RCAN2: variants seen among roughly 807,000 people sequenced by gnomAD.
RCAN2 encodes the protein regulator of calcineurin 2.
A neutral mutation model predicts 23.6 loss-of-function variants in RCAN2; 9 were observed. The ratio of observed to expected loss-of-function variants is 0.38; its 90% confidence interval spans 0.23 to 0.67. The LOEUF (loss-of-function observed/expected upper bound fraction) is 0.67. Among genes scored for constraint, RCAN2 ranks in the 30% least tolerant of loss-of-function variants. The pLI is 0.51. For missense variants in RCAN2, 273 were observed against 302.3 expected, an observed-to-expected ratio of 0.90 and a Z score of 0.72; for synonymous variants, 109 against 115.7, an observed-to-expected ratio of 0.94 and a Z score of 0.37.
At chr6:46,265,375 C>G (rs1031226419) in intron 2 of RCAN2, among the ~76,000 whole-genome samples, 7 of 152,046 alleles carry the variant, frequency 4.6e-5, no homozygotes, top group Admixed American at 6.6e-5. Context: ...GTCAGCTAAG[C>G]AAGAAAATTT....
chr6:46,454,551 A>G (rs1767967471), intron 2 of RCAN2, among the ~76,000 whole-genome samples: 1 of 152,204 alleles, frequency 6.6e-6, no homozygotes, highest in Non-Finnish European at 1.5e-5. Context: ...AGAAAAAAAA[A>G]TCTTGCTGAG....
At chr6:46,448,543 C>T (rs1232679053) in intron 2 of RCAN2, among the ~76,000 whole-genome samples, 1 of 151,750 alleles carries the variant, frequency 6.6e-6, no homozygotes, top group African/African-American at 2.4e-5. Context: ...AATTATAGAC[C>T]AATATCCCTA....
intron 2 of RCAN2, among the ~76,000 whole-genome samples, chr6:46,364,931 T>G (rs952943039): frequency 1.3e-5 from 2 of 152,190 alleles, no homozygotes; most frequent in Non-Finnish European, 2.9e-5. Flanking sequence ...GCCTGTTCCC[T>G]CTACCTGGAA....
chr6:46,304,563 G>A (rs2396636), intron 2 of RCAN2, among the ~76,000 whole-genome samples: 107,015 of 152,012 alleles, frequency 0.7, 39,587 homozygotes, highest in Non-Finnish European at 0.83. Flanking sequence ...CTGTTTATTT[G>A]ACAGTGTGTA....
chr6:46,461,376 T>C (rs954527500), intron 1 of RCAN2, among the ~76,000 whole-genome samples: 2 of 152,158 alleles, frequency 1.3e-5, no homozygotes, highest in Admixed American at 6.5e-5. Context: ...TTGGAAAGCA[T>C]AAGTTTCCAT....
intron 2 of RCAN2, among the ~76,000 whole-genome samples, chr6:46,354,617 T>A (rs1025514684): frequency 6.6e-6 from 1 of 152,204 alleles, no homozygotes; most frequent in Non-Finnish European, 1.5e-5. Flanking sequence ...TCAGAATCTC[T>A]AGAAGTAGGA....
chr6:46,345,945 G>C (rs1459649702), intron 2 of RCAN2, among the ~76,000 whole-genome samples: 3 of 152,032 alleles, frequency 2.0e-5, no homozygotes, highest in African/African-American at 7.2e-5. Flanking sequence ...AAACCTCTCA[G>C]TTGTAAATCC....
chr6:46,456,725 T>C (rs1483922467), intron 2 of RCAN2, 27 bp downstream of exon 2: 3 of 1,472,114 alleles, frequency 2.0e-6, no homozygotes, highest in African/African-American at 2.8e-5. Context: ...TCTCCCCATG[T>C]TTTAGGAACA....
intron 2 of RCAN2, among the ~76,000 whole-genome samples, chr6:46,355,297 A>G (rs373067297): frequency 2.6e-5 from 4 of 152,194 alleles, no homozygotes; most frequent in East Asian, 1.9e-4. Context: ...CCATAGGAAG[A>G]TGCAGAAACA....
intron 2 of RCAN2, among the ~76,000 whole-genome samples, chr6:46,330,672 A>G (rs1417807380): frequency 1.3e-5 from 2 of 151,590 alleles, no homozygotes; most frequent in African/African-American, 4.9e-5. Context: ...TTCCTCTTTA[A>G]TAGTTTGCTT....
At chr6:46,475,244 A>G (rs1435184925) in intron 1 of RCAN2, among the ~76,000 whole-genome samples, 3 of 152,194 alleles carry the variant, frequency 2.0e-5, no homozygotes, top group African/African-American at 4.8e-5. Flanking sequence ...CTCTGCTTCA[A>G]CAGCAGAAGC....
intron 2 of RCAN2, among the ~76,000 whole-genome samples, chr6:46,404,563 T>C (rs949626277): frequency 1.3e-5 from 2 of 152,232 alleles, no homozygotes; most frequent in Non-Finnish European, 2.9e-5. Flanking sequence ...AGAAATTTAA[T>C]AGAAACCATA....
intron 2 of RCAN2, among the ~76,000 whole-genome samples, chr6:46,309,422 T>G (rs1340598870): frequency 6.6e-6 from 1 of 152,198 alleles, no homozygotes; most frequent in Non-Finnish European, 1.5e-5. Flanking sequence ...TAATAAGTTG[T>G]AATAGCCTCC....
intron 2 of RCAN2, among the ~76,000 whole-genome samples, chr6:46,326,118 A>G (rs1763788199): frequency 6.6e-6 from 1 of 152,234 alleles, no homozygotes; most frequent in South Asian, 2.1e-4. Context: ...TGGGCTGAAT[A>G]GAAATCCGTT....
chr6:46,469,631 T>C (rs1768497775), intron 1 of RCAN2, among the ~76,000 whole-genome samples: 13 of 152,124 alleles, frequency 8.5e-5, no homozygotes, highest in Admixed American at 8.5e-4. Flanking sequence ...ACAAAGACCA[T>C]GCTAGAAACG....
At chr6:46,335,087 G>C (rs1764097831) in intron 2 of RCAN2, among the ~76,000 whole-genome samples, 1 of 152,214 alleles carries the variant, frequency 6.6e-6, no homozygotes, top group Non-Finnish European at 1.5e-5. Flanking sequence ...GAGGCCCTTA[G>C]CTGGCTGGTC....
chr6:46,279,849 T>C lies in RCAN2; in HGVS notation c.226-30953A>G, dbSNP rs115371894. ...GGATTGTTATGAGAATTTAATGAGA[T>C]AATGCACAAGATGTGTCTGATGAAT... On this transcript the variant is annotated intron_variant, in intron 2 of 4. Transcript: ENST00000371374. Among the ~76,000 whole-genome samples, 799 of 152,284 alleles carry C rather than the reference T, an allele frequency of 5.2e-3. 5 individuals are homozygous for C. Among genetic ancestry groups the C allele is most frequent in the African/African-American group, 0.018 (736 of 41,554 alleles).
intron 2 of RCAN2, among the ~76,000 whole-genome samples, chr6:46,306,279 A>T (rs1201553991): frequency 2.0e-5 from 3 of 152,024 alleles, no homozygotes; most frequent in African/African-American, 2.4e-5. Flanking sequence ...TGTTCAGTAC[A>T]TTTCTCCTCC....
At chr6:46,387,081 C>A (rs1765777755) in intron 2 of RCAN2, among the ~76,000 whole-genome samples, 1 of 152,096 alleles carries the variant, frequency 6.6e-6, no homozygotes, top group African/African-American at 2.4e-5. Context: ...CCCTTCCTTA[C>A]ACCTTATACA....
Sources: gnomAD v4.1 joint callset for allele counts (sites outside exome capture counted in the v4.1 genomes callset) on GRCh38, gnomAD v4.1.1 for gene constraint, MANE v1.5 for transcripts, NCBI Gene and HGNC (gene_info 2026-07-23, HGNC 2026-07-21) for gene names.